Variants in DUS3L observed in about 807,000 individuals in gnomAD.
The protein encoded by DUS3L is tRNA-dihydrouridine(47) synthase [NAD(P)(+)]-like.
In DUS3L, 62 loss-of-function variants were observed where a neutral mutation model predicts 74.6. The ratio of observed to expected loss-of-function variants is 0.83; its 90% CI spans 0.68 to 1.03. The LOEUF (loss-of-function observed/expected upper bound fraction) is 1.03. Ranked by LOEUF, DUS3L falls within the 50% of genes least tolerant of loss-of-function variation. The pLI, the probability that DUS3L is intolerant of heterozygous loss-of-function variation, is 0.00. For missense variants in DUS3L, 884 were observed against 924.4 expected (o/e 0.96, Z 0.57); for synonymous variants, 433 against 395.7 (o/e 1.09, Z -1.12).
chr19:5,790,518 G>A (rs926277239), intron 1 of DUS3L, among the ~76,000 whole-genome samples, 183 bp from the exon 2 acceptor site: 6 of 152,032 alleles, frequency 3.9e-5, no homozygotes, highest in Non-Finnish European at 7.4e-5. Context: ...TTTGTCCCTG[G>A]GTCCTCACTG....
At chr19:5,790,760 G>T in intron 1 of DUS3L, 2 of 572,626 alleles carry the variant, frequency 3.5e-6, no homozygotes, top group Non-Finnish European at 6.2e-6. Context: ...TGCGCCGTAC[G>T]TCCATATGCA....
At chr19:5,785,343 C>T (rs374787549) in intron 12 of DUS3L, 40 bp downstream of exon 12, 10 of 1,604,688 alleles carry the variant, frequency 6.2e-6, no homozygotes, top group East Asian at 2.2e-5. Context: ...TGACCCCGGG[C>T]CCCCGACTGC....
At chr19:5,789,020 T>G in intron 3 of DUS3L, 187 bp downstream of exon 3, 1 of 772,582 alleles carries the variant, frequency 1.3e-6, no homozygotes, top group Non-Finnish European at 1.8e-6. Context: ...TCCAGCTCTT[T>G]CTGTCCCCAC....
At chr19:5,785,572 G>A (rs201825437) in intron 11 of DUS3L, 31 bp downstream of exon 11, 79 of 1,576,496 alleles carry the variant, frequency 5.0e-5, no homozygotes, top group Admixed American at 5.4e-5. Flanking sequence ...CGGCCCACGC[G>A]CCGCCCACCC....
At position 5,789,529 on chromosome 19, in the gene DUS3L, T is replaced by G; in HGVS notation, c.578A>C (p.Gln193Pro). The G allele has an allele frequency of 6.2e-7, 1 of 1,604,476 alleles. No individual in the cohort carries two copies. The highest frequency in any genetic ancestry group is 8.5e-7 in the Non-Finnish European group (1 of 1,177,452). The change falls in exon 3 of 13, where the codon CAG (glutamine) becomes CCG (proline). Residue 193 changes from glutamine to proline, a missense_variant. By Grantham distance (76) the Gln-to-Pro change is moderately conservative (BLOSUM62 -1). Coordinates refer to ENST00000309061, the MANE Select transcript of DUS3L (RefSeq NM_020175.3). ...HLRPEGQNLVQEELAARGTQP... is the reference protein window; with the variant it reads ...HLRPEGQNLVPEELAARGTQP... Reference sequence around the variant, plus strand: ...GGTCCCGCGGGCCGCCAACTCCTCCTGCACCAGGTTCTGTCCCTCGGGCCT... The same window carrying G: ...GGTCCCGCGGGCCGCCAACTCCTCCGGCACCAGGTTCTGTCCCTCGGGCCT...
rs1490852688 is a variant in DUS3L at position 5,791,078 on chromosome 19, C to T, written c.64G>A (p.Ala22Thr). Residue 22 changes from alanine to threonine, a missense_variant, in exon 1 of 13, where the codon GCT (alanine) becomes ACT (threonine). Ala to Thr is a moderately conservative substitution (Grantham distance 58). Transcript: ENST00000309061. ...ATGGGCGCCACTCCTCGTTCCAAAGCTCCGGCTCCCGAGTCGCCACCACCA... is the reference window on the plus strand; with the variant it reads ...ATGGGCGCCACTCCTCGTTCCAAAGTTCCGGCTCCCGAGTCGCCACCACCA... ...NGGGGDSGAG[A>T]LERGVAPIKR... 2 of 1,607,536 alleles carry T rather than the reference C, an allele frequency of 1.2e-6. No homozygotes were observed. Among genetic ancestry groups the T allele is most frequent in the South Asian group, 2.2e-5 (2 of 89,626 alleles).
chr19:5,786,404 T>G, intron 10 of DUS3L, 63 bp downstream of exon 10: 1 of 1,520,224 alleles, frequency 6.6e-7, no homozygotes, highest in Non-Finnish European at 9.0e-7. Flanking sequence ...GGTGACGGCG[T>G]GTTGGGTTCA....
At position 5,790,122 on chromosome 19, in the gene DUS3L, C is replaced by T. The variant is rs1178053447; in HGVS notation, c.312G>A (p.Arg104=). ...GEQLQTQKRA[R]GQNKGRPHVK... ...CATGGGGCCGGCCCTTGTTTTGTCC[C>T]CGGGCCCTCTTCTGAGTCTGTAGCT... Residue 104 remains arginine, a synonymous_variant, in exon 2 of 13, where the codon CGG becomes CGA. Coordinates refer to ENST00000309061, the MANE Select transcript of DUS3L (RefSeq NM_020175.3). 6.2e-7 allele frequency: 1 copy of T among 1,614,034 alleles called. No homozygotes were observed. The highest frequency in any genetic ancestry group is 1.3e-5 in the African/African-American group (1 of 74,918).
At chr19:5,786,116 T>A (rs1410452876) in intron 10 of DUS3L, 2 of 455,932 alleles carry the variant, frequency 4.4e-6, no homozygotes, top group Non-Finnish European at 7.8e-6. Flanking sequence ...TACACCTGGC[T>A]AATTTTTGTA....
At chr19:5,789,060 C>G (rs1430021447) in intron 3 of DUS3L, 147 bp downstream of exon 3, 60 of 1,236,328 alleles carry the variant, frequency 4.9e-5, no homozygotes, top group Non-Finnish European at 6.5e-5. Flanking sequence ...GGACAGAGCA[C>G]AGAGAGGGAG....
At position 5,791,128 on chromosome 19, in the gene DUS3L, G is replaced by A. The variant is rs2056906973; in HGVS notation, c.14C>T (p.Thr5Met). 6.2e-7 allele frequency: 1 copy of A among 1,605,906 alleles called. No homozygotes were observed. Among genetic ancestry groups the A allele is most frequent in the South Asian group, 1.1e-5 (1 of 89,354 alleles). MAEG[T>M]AEAPLENGGG... ...ACCATTCTCTAGAGGAGCCTCCGCC[G>A]TTCCCTCCGCCATCGGCGCCCCTCA... Residue 5 changes from threonine to methionine, a missense_variant, in exon 1 of 13, where the codon ACG becomes ATG. Coordinates refer to ENST00000309061, the MANE Select transcript of DUS3L (RefSeq NM_020175.3).
chr19:5,790,921 G>A (rs1050789007), intron 1 of DUS3L, 123 bp downstream of exon 1: 11 of 965,616 alleles, frequency 1.1e-5, no homozygotes, highest in African/African-American at 1.6e-5. Flanking sequence ...AGAACGGCCC[G>A]GAATGAAGAG....
At position 5,785,365 on chromosome 19, in the gene DUS3L, TC is replaced by T; in HGVS notation, c.1880+17del. 1.2e-6 allele frequency: 2 copies of T among 1,602,972 alleles called. No homozygotes were observed. The highest frequency in any genetic ancestry group is 1.7e-6 in the Non-Finnish European group (2 of 1,173,982). ...GGGCCCCCGACTGCAGCTCCCCAAC[TC>T]CAGCCCACCCAGGCACCTGATGCGG... On this transcript the variant is annotated intron_variant, in intron 12 of 12. Transcript: ENST00000309061.
intron 3 of DUS3L, 124 bp from the exon 4 acceptor site, chr19:5,788,522 G>T: frequency 9.5e-7 from 1 of 1,057,344 alleles, no homozygotes; most frequent in Non-Finnish European, 1.4e-6. Context: ...TCCTTTGCTG[G>T]GCCTCTGCAT....
chr19:5,788,957 TC>T (rs2056881846), intron 3 of DUS3L, among the ~76,000 whole-genome samples: 1 of 152,188 alleles, frequency 6.6e-6, no homozygotes, highest in African/African-American at 2.4e-5. Context: ...TCTGCCTGCC[TC>T]AGCCTCCCAA....
At chr19:5,786,603 C>T (rs1468913710) in intron 9 of DUS3L, 61 bp from the exon 10 acceptor site, 5 of 1,591,082 alleles carry the variant, frequency 3.1e-6, no homozygotes, top group Non-Finnish European at 4.3e-6. Flanking sequence ...TGGAGTTCTG[C>T]TCACCAGCCC....
At chr19:5,788,579 C>T (rs569694190) in intron 3 of DUS3L, among the ~76,000 whole-genome samples, 181 bp from the exon 4 acceptor site, 1 of 152,278 alleles carries the variant, frequency 6.6e-6, no homozygotes, top group Non-Finnish European at 1.5e-5. Context: ...CTCATCGTCT[C>T]CTCCACTGGA....
intron 1 of DUS3L, among the ~76,000 whole-genome samples, chr19:5,790,637 C>T (rs955319751): frequency 3.3e-5 from 5 of 152,150 alleles, no homozygotes; most frequent in Non-Finnish European, 5.9e-5. Context: ...GAGTCTAAGC[C>T]ACCACATTTC....
chr19:5,788,342 T>C lies in DUS3L; in HGVS notation c.942+15A>G. Reference sequence around the variant, plus strand: ...CCACCCTGCCACCCGACCAGCCACCTGACCCAGGTCCTACCGTGGTGAGGG... The same window carrying C: ...CCACCCTGCCACCCGACCAGCCACCCGACCCAGGTCCTACCGTGGTGAGGG... On this transcript the variant is annotated intron_variant, in intron 4 of 12. Coordinates refer to ENST00000309061, the MANE Select transcript of DUS3L (RefSeq NM_020175.3). The C allele has an allele frequency of 6.2e-7, 1 of 1,613,746 alleles. No homozygotes were observed.
Sources: gnomAD v4.1 joint callset for allele counts (sites outside exome capture counted in the v4.1 genomes callset) on GRCh38, gnomAD v4.1.1 for gene constraint, MANE v1.5 for transcripts, NCBI Gene and HGNC (gene_info 2026-07-23, HGNC 2026-07-21) for gene names.